Variants in DLG2 observed in about 807,000 individuals in gnomAD.
DLG2 encodes the protein discs large MAGUK scaffold protein 2, also known as disks large homolog 2.
Under a neutral mutation model 132.5 loss-of-function variants are expected in DLG2, and 45 were observed. That is an observed-to-expected ratio of 0.34 (90% CI 0.27 to 0.44). DLG2 has a LOEUF of 0.44. DLG2 is among the 20% of genes least tolerant of loss of function. The pLI is 1.00. For missense variants in DLG2, 1,045 were observed against 1,196.9 expected, an observed-to-expected ratio of 0.87 and a Z score of 1.87; for synonymous variants, 424 against 419.6, an observed-to-expected ratio of 1.01 and a Z score of -0.13.
At chr11:83,883,571 A>C (rs1178795744) in intron 15 of DLG2, among the ~76,000 whole-genome samples, 1 of 152,256 alleles carries the variant, frequency 6.6e-6, no homozygotes, top group East Asian at 1.9e-4. Flanking sequence ...CTTTAAAGCA[A>C]TAATGAGAAA....
At chr11:85,550,202 C>T (rs557105769) in intron 3 of DLG2, among the ~76,000 whole-genome samples, 7 of 152,326 alleles carry the variant, frequency 4.6e-5, no homozygotes, top group Non-Finnish European at 8.8e-5. Context: ...TACAAAAGGA[C>T]GTCATACTGG....
chr11:84,350,641 A>G (rs1457356074), intron 7 of DLG2, among the ~76,000 whole-genome samples: 1 of 152,234 alleles, frequency 6.6e-6, no homozygotes, highest in Non-Finnish European at 1.5e-5. Context: ...TACAGTTAGC[A>G]TATAGTAATC....
At chr11:85,531,756 G>T (rs550306599) in intron 3 of DLG2, among the ~76,000 whole-genome samples, 2 of 152,122 alleles carry the variant, frequency 1.3e-5, no homozygotes, top group Non-Finnish European at 2.9e-5. Context: ...AAAGACACAC[G>T]CTGCAAGATA....
At chr11:85,416,156 A>C (rs937127102) in intron 3 of DLG2, among the ~76,000 whole-genome samples, 1 of 152,194 alleles carries the variant, frequency 6.6e-6, no homozygotes, top group African/African-American at 2.4e-5. Context: ...TGCTTTCGTC[A>C]GGTTTGTCAA....
At chr11:83,662,614 A>G (rs2074579619) in intron 18 of DLG2, among the ~76,000 whole-genome samples, 1 of 152,218 alleles carries the variant, frequency 6.6e-6, no homozygotes, top group Admixed American at 6.5e-5. Flanking sequence ...TCTTCTATTT[A>G]TCCCTGTACT....
chr11:84,720,552 G>A (rs1176447424), intron 6 of DLG2: 1 of 918,712 alleles, frequency 1.1e-6, no homozygotes, highest in African/African-American at 1.8e-5. Flanking sequence ...GCAACGCCGC[G>A]GGCAAGTACC....
At chr11:84,330,653 A>C (rs2154400991) in intron 7 of DLG2, among the ~76,000 whole-genome samples, 1 of 152,274 alleles carries the variant, frequency 6.6e-6, no homozygotes, top group Admixed American at 6.5e-5. Flanking sequence ...ATAGCCCCAT[A>C]TGGTAGGCAG....
At chr11:83,552,041 G>A (rs1281877503) in intron 19 of DLG2, among the ~76,000 whole-genome samples, 1 of 152,154 alleles carries the variant, frequency 6.6e-6, no homozygotes, top group African/African-American at 2.4e-5. Flanking sequence ...CTAGGAGCTT[G>A]GGATCTATCA....
At chr11:84,069,740 G>C (rs1347185070) in intron 10 of DLG2, among the ~76,000 whole-genome samples, 1 of 152,228 alleles carries the variant, frequency 6.6e-6, no homozygotes, top group East Asian at 1.9e-4. Context: ...AATGGGGACA[G>C]AAATTGCTAT....
intron 7 of DLG2, among the ~76,000 whole-genome samples, chr11:84,388,961 G>A (rs943452019): frequency 4.6e-5 from 7 of 152,052 alleles, no homozygotes; most frequent in African/African-American, 1.7e-4. Context: ...GATTGAGTTT[G>A]CTTTCCTCCA....
At chr11:83,625,645 A>G (rs1387507590) in intron 19 of DLG2, among the ~76,000 whole-genome samples, 1 of 152,202 alleles carries the variant, frequency 6.6e-6, no homozygotes, top group Admixed American at 6.5e-5. Context: ...CTGTGTTGAG[A>G]ATGAGGTTCA....
intron 6 of DLG2, among the ~76,000 whole-genome samples, chr11:84,972,178 C>T (rs1480635480): frequency 6.6e-6 from 1 of 152,016 alleles, no homozygotes; most frequent in Non-Finnish European, 1.5e-5. Context: ...TACAATGAAC[C>T]CTTATGTTAT....
chr11:85,381,990 A>T (rs1428560121), intron 3 of DLG2, among the ~76,000 whole-genome samples: 2 of 152,150 alleles, frequency 1.3e-5, no homozygotes, highest in Non-Finnish European at 2.9e-5. Flanking sequence ...GAAAACAAAA[A>T]ATCTCAGATG....
intron 19 of DLG2, among the ~76,000 whole-genome samples, chr11:83,621,465 A>C (rs1424863989): frequency 6.6e-6 from 1 of 152,140 alleles, no homozygotes; most frequent in Non-Finnish European, 1.5e-5. Context: ...ACTTTTGCAG[A>C]ACAAGAAGAC....
intron 3 of DLG2, among the ~76,000 whole-genome samples, chr11:85,539,923 T>C (rs1444385686): frequency 6.6e-6 from 1 of 152,178 alleles, no homozygotes; most frequent in African/African-American, 2.4e-5. Context: ...CAATGAATAC[T>C]CAACCCTAGA....
At chr11:85,304,067 A>T (rs1480286408) in intron 3 of DLG2, among the ~76,000 whole-genome samples, 1 of 152,212 alleles carries the variant, frequency 6.6e-6, no homozygotes, top group Non-Finnish European at 1.5e-5. Flanking sequence ...TAAGGCTAAA[A>T]GTAAATAAAC....
intron 6 of DLG2, among the ~76,000 whole-genome samples, chr11:84,734,786 G>C (rs1306069175): frequency 1.3e-5 from 2 of 152,084 alleles, no homozygotes; most frequent in African/African-American, 4.8e-5. Flanking sequence ...GTCATAAATA[G>C]CTCTTATTAT....
chr11:85,186,169 A>G (rs1348079938), intron 4 of DLG2, among the ~76,000 whole-genome samples: 1 of 152,002 alleles, frequency 6.6e-6, no homozygotes, highest in Non-Finnish European at 1.5e-5. Context: ...AATATGAACC[A>G]CAATTGTGAG....
chr11:83,732,637 T>C (rs1198711501), intron 18 of DLG2, among the ~76,000 whole-genome samples: 2 of 152,194 alleles, frequency 1.3e-5, no homozygotes, highest in East Asian at 1.9e-4. Flanking sequence ...TTTGTGGGTA[T>C]TTGAGAAGAT....
Sources: allele counts gnomAD v4.1 joint callset (sites outside exome capture counted in the v4.1 genomes callset), GRCh38; gene constraint gnomAD v4.1.1; transcripts MANE v1.5; gene names NCBI Gene and HGNC (gene_info 2026-07-23, HGNC 2026-07-21).